Variants in RALGPS1 observed in about 807,000 individuals in gnomAD.
The protein encoded by RALGPS1 is ras-specific guanine nucleotide-releasing factor RalGPS1.
RALGPS1 carries 19 observed loss-of-function variants against 78.8 expected under a neutral mutation model. The observed-to-expected ratio is 0.24, with a 90% CI of 0.17 to 0.35. The LOEUF is 0.35. RALGPS1 is among the 10% of genes least tolerant of loss of function. The pLI is 1.00. For synonymous variants in RALGPS1, 228 were observed against 256.3 expected (o/e 0.89, Z 1.06); for missense variants, 454 against 688.3 (o/e 0.66, Z 3.81).
At chr9:127,143,116 T>G (rs553634150) in intron 8 of RALGPS1, among the ~76,000 whole-genome samples, 1 of 152,354 alleles carries the variant, frequency 6.6e-6, no homozygotes, top group East Asian at 1.9e-4. Flanking sequence ...TTTCCAAGTT[T>G]TTGTTTGTTT....
chr9:126,924,633 T>C (rs1188528757), intron 1 of RALGPS1, among the ~76,000 whole-genome samples: 1 of 152,226 alleles, frequency 6.6e-6, no homozygotes, highest in Non-Finnish European at 1.5e-5. Context: ...GATTGTGTTA[T>C]GAGGCTTAAG....
chr9:127,058,129 C>A (rs1291283306), intron 7 of RALGPS1, among the ~76,000 whole-genome samples: 1 of 152,108 alleles, frequency 6.6e-6, no homozygotes, highest in Non-Finnish European at 1.5e-5. Flanking sequence ...TGGTGCAAAG[C>A]CCTGCACAGG....
At chr9:127,050,637 T>A (rs2135347827) in intron 6 of RALGPS1, among the ~76,000 whole-genome samples, 2 of 151,912 alleles carry the variant, frequency 1.3e-5, no homozygotes, top group East Asian at 3.9e-4. Flanking sequence ...CCCCACCTCC[T>A]GCCCCCGGCC....
At chr9:127,157,406 G>A (rs1454801424) in intron 8 of RALGPS1, among the ~76,000 whole-genome samples, 1 of 152,032 alleles carries the variant, frequency 6.6e-6, no homozygotes, top group Non-Finnish European at 1.5e-5. Context: ...AAGAGATGTA[G>A]ATAAAAGGTT....
chr9:127,212,358 C>T lies in RALGPS1; in HGVS notation c.1353+122C>T. 1.3e-6 allele frequency: 1 copy of T among 750,994 alleles called. No homozygotes were observed. Among genetic ancestry groups the T allele is most frequent in the Non-Finnish European group, 2.1e-6 (1 of 467,112 alleles). 46.5% of individuals were successfully genotyped at this position (750,994 alleles called of 1,614,324 possible). ...AGAGGCTCTGCTTGCAGTGGGCATG[C>T]AGCGAGCTGAACTCTCAGGAATTAT... is the stretch of plus-strand genomic sequence containing the variant. On this transcript the variant is annotated intron_variant, in intron 15 of 18. Transcript: ENST00000259351. This position sits in a 1 kb window ranked among gnomAD's most constrained non-coding sequence, Gnocchi z 6.0.
chr9:127,182,803 A>AT (rs2060363530), intron 11 of RALGPS1, among the ~76,000 whole-genome samples: 1 of 152,118 alleles, frequency 6.6e-6, no homozygotes, highest in African/African-American at 2.4e-5. Flanking sequence ...AATACAGAAA[A>AT]TACCCCACTC....
chr9:127,216,776 G>A lies in RALGPS1; in HGVS notation c.1644+1934G>A, dbSNP rs557302092. ...AACAAGGCTGCCGCCGCCCCAGCTT[G>A]CATTAAGAGAGGAAGAGCATCCTGG... On this transcript the variant is annotated intron_variant, in intron 18 of 18. Transcript: ENST00000259351. 1.6e-5 allele frequency: 13 copies of A among 816,420 alleles called. No individual in the cohort carries two copies. In the East Asian group the frequency reaches 1.6e-4, roughly 10 times the overall value. The allele number at this position is 816,420 out of a possible 1,614,324, so 50.6% of individuals were successfully genotyped here.
rs377368618 is a variant in RALGPS1, at chr9:126,999,162, TATA to T, written c.216+21437_216+21439del. Among the ~76,000 whole-genome samples the T allele has an allele frequency of 4.4e-3, 665 of 150,748 alleles. 5 individuals carry two copies. The highest frequency in any genetic ancestry group is 0.014 in the African/African-American group (571 of 40,996). ...TGCACATGTACCCTAAAACTTAAAG[TATA>T]ATAATAATAATAATAATAAGTTTCA... On this transcript the variant is annotated intron_variant, in intron 4 of 18. Coordinates refer to ENST00000259351, the MANE Select transcript of RALGPS1 (RefSeq NM_014636.3).
intron 12 of RALGPS1, 136 bp downstream of exon 12, chr9:127,195,353 A>G: frequency 8.0e-7 from 1 of 1,246,752 alleles, no homozygotes; most frequent in Non-Finnish European, 1.1e-6. Context: ...AGCTCTTGGA[A>G]TCCTGGCCAG....
At chr9:126,997,756 C>T (rs1036912204) in intron 4 of RALGPS1, among the ~76,000 whole-genome samples, 2 of 152,204 alleles carry the variant, frequency 1.3e-5, no homozygotes, top group African/African-American at 4.8e-5. Context: ...ATCATGCTAC[C>T]TGACTTCAAA....
intron 4 of RALGPS1, among the ~76,000 whole-genome samples, chr9:127,014,054 G>C (rs1271286412): frequency 6.6e-6 from 1 of 152,226 alleles, no homozygotes; most frequent in Non-Finnish European, 1.5e-5. Flanking sequence ...GCTGGGCACA[G>C]AGGAGGCACT....
intron 9 of RALGPS1, among the ~76,000 whole-genome samples, chr9:127,167,141 G>A (rs1430794260): frequency 6.6e-6 from 1 of 152,202 alleles, no homozygotes; most frequent in Non-Finnish European, 1.5e-5. Flanking sequence ...AAGGAGCCTA[G>A]CCTCACTTGC....
intron 4 of RALGPS1, among the ~76,000 whole-genome samples, chr9:127,000,534 CTTTTTTTTTT>C (rs1163116649): frequency 6.0e-5 from 2 of 33,338 alleles, no homozygotes; most frequent in East Asian, 1.3e-3. Context: ...CTTGTCTTGT[CTTTTTTTTTT>C]TTTTTTTTTT....
intron 8 of RALGPS1, among the ~76,000 whole-genome samples, chr9:127,078,527 C>T (rs1289533294): frequency 2.6e-5 from 4 of 152,158 alleles, no homozygotes; most frequent in East Asian, 1.9e-4. Flanking sequence ...TTAATATCTC[C>T]GTCTCCATGG....
intron 7 of RALGPS1, among the ~76,000 whole-genome samples, chr9:127,059,526 C>T (rs958922134): frequency 6.6e-6 from 1 of 152,168 alleles, no homozygotes; most frequent in African/African-American, 2.4e-5. Context: ...TTTTCTTCCT[C>T]TTGACTTCTT....
chr9:127,215,352 A>G (rs2062517553), intron 18 of RALGPS1, among the ~76,000 whole-genome samples: 1 of 152,204 alleles, frequency 6.6e-6, no homozygotes, highest in African/African-American at 2.4e-5. Context: ...GTCTTGACAT[A>G]GGCCCTCTCT....
intron 4 of RALGPS1, among the ~76,000 whole-genome samples, chr9:126,980,395 C>T (rs1332050663): frequency 6.6e-6 from 1 of 152,110 alleles, no homozygotes; most frequent in African/African-American, 2.4e-5. Flanking sequence ...TATCAGCATC[C>T]ACTTGGGAAT....
chr9:126,957,843 A>T (rs557526404), intron 1 of RALGPS1, among the ~76,000 whole-genome samples: 7 of 151,920 alleles, frequency 4.6e-5, no homozygotes, highest in African/African-American at 1.4e-4. Flanking sequence ...TTGCTTATTA[A>T]TAGTATCCTG....
At chr9:127,129,691 G>T (rs535552249) in intron 8 of RALGPS1, among the ~76,000 whole-genome samples, 1 of 152,182 alleles carries the variant, frequency 6.6e-6, no homozygotes, top group East Asian at 1.9e-4. Context: ...TGACTAGTAG[G>T]TCTGATGTTG....
Sources: allele counts gnomAD v4.1 joint callset (sites outside exome capture counted in the v4.1 genomes callset), GRCh38; gene constraint gnomAD v4.1.1; non-coding constraint Gnocchi (gnomAD v3.1); transcripts MANE v1.5; gene names NCBI Gene and HGNC (gene_info 2026-07-23, HGNC 2026-07-21).